PTPRE: variants seen among roughly 807,000 people sequenced by gnomAD.
PTPRE encodes the protein protein tyrosine phosphatase receptor type E.
In PTPRE, 51 loss-of-function variants were observed where a neutral mutation model predicts 102.0. The ratio of observed to expected loss-of-function variants is 0.50; its 90% confidence interval spans 0.40 to 0.63. PTPRE has a LOEUF of 0.63. Among genes scored for constraint, PTPRE ranks in the 30% least tolerant of loss-of-function variants. The pLI, the probability that PTPRE is intolerant of heterozygous loss-of-function variation, is 0.00. For missense variants in PTPRE, 752 were observed against 915.1 expected, an observed-to-expected ratio of 0.82 and a Z score of 2.30; for synonymous variants, 345 against 348.2, an observed-to-expected ratio of 0.99 and a Z score of 0.10.
At chr10:127,953,927 G>A (rs965738521) in intron 1 of PTPRE, among the ~76,000 whole-genome samples, 7 of 152,204 alleles carry the variant, frequency 4.6e-5, no homozygotes, top group Admixed American at 6.5e-5. Flanking sequence ...CAGTGATTTG[G>A]CCAGAAGGTC....
chr10:128,061,929 C>G (rs867560324), intron 9 of PTPRE, among the ~76,000 whole-genome samples: 3 of 152,208 alleles, frequency 2.0e-5, no homozygotes, highest in African/African-American at 7.2e-5. Context: ...ACACAGGGCA[C>G]GCAATGGCCC....
At position 128,016,481 on chromosome 10, in the gene PTPRE, A is replaced by ATTTT. The variant is rs57308839; in HGVS notation, c.-7-24381_-7-24378dup. Among the ~76,000 whole-genome samples the ATTTT allele has an allele frequency of 1.4e-3, 205 of 145,222 alleles. 2 individuals carry two copies. Among genetic ancestry groups the ATTTT allele is most frequent in the Middle Eastern group, 0.011 (3 of 274 alleles). ...AGACCAGTGCCACTATGCCTGGCCA[A>ATTTT]TTTTTTTTTTTTTTTTACTTTTTTA... On this transcript the variant is annotated intron_variant, in intron 2 of 20. Transcript: ENST00000254667.
chr10:128,081,436 A>G (rs2096285), intron 20 of PTPRE, among the ~76,000 whole-genome samples: 41,635 of 152,088 alleles, frequency 0.27, 6,376 homozygotes, highest in Admixed American at 0.35. Context: ...AGTACACTTC[A>G]TCCATCACTG....
chr10:127,929,982 G>A (rs771846156), intron 1 of PTPRE, among the ~76,000 whole-genome samples: 2 of 148,988 alleles, frequency 1.3e-5, no homozygotes, highest in African/African-American at 4.9e-5. Context: ...GCTTGAACCC[G>A]AGAGGCGAGG....
chr10:127,975,744 G>A lies in PTPRE; in HGVS notation c.-30-6530G>A, dbSNP rs185053252. On this transcript the variant is annotated intron_variant, in intron 1 of 20. Coordinates refer to ENST00000254667, the MANE Select transcript of PTPRE (RefSeq NM_006504.6). ...CGTGTTCAGTTACCATTAGCGTCAG[G>A]CACCCAGCAAGCTTGTCCTGAATAC... 7.2e-5 allele frequency among the ~76,000 whole-genome samples: 11 copies of A among 152,298 alleles called. No individual in the cohort carries two copies. The East Asian group carries it at 2.1e-3, about 29-fold the overall frequency.
chr10:128,022,999 A>G (rs1340133408), intron 2 of PTPRE, among the ~76,000 whole-genome samples: 1 of 152,230 alleles, frequency 6.6e-6, no homozygotes, highest in Non-Finnish European at 1.5e-5. Context: ...AGAGAGCGCC[A>G]TCTGCATTTG....
At chr10:128,004,613 A>C (rs1281285266) in intron 2 of PTPRE, among the ~76,000 whole-genome samples, 1 of 152,132 alleles carries the variant, frequency 6.6e-6, no homozygotes, top group African/African-American at 2.4e-5. Flanking sequence ...ATCATATCTC[A>C]TTGAGTTACT....
intron 1 of PTPRE, chr10:127,929,755 C>G (rs1005919963): frequency 6.6e-6 from 1 of 152,100 alleles, no homozygotes; most frequent in Non-Finnish European, 1.5e-5. Context: ...ATCCTCTATG[C>G]CTTTAAAACA....
chr10:127,932,118 T>A (rs1002243741), intron 1 of PTPRE, among the ~76,000 whole-genome samples: 2 of 152,200 alleles, frequency 1.3e-5, no homozygotes, highest in Non-Finnish European at 2.9e-5. Context: ...TAAGAAGGAA[T>A]ATAGGGCACA....
At position 128,042,179 on chromosome 10, in the gene PTPRE, G is replaced by T. The variant is rs147426082; in HGVS notation, c.109+1189G>T. Among the ~76,000 whole-genome samples the T allele has an allele frequency of 2.2e-3, 338 of 152,242 alleles. 1 individual carries two copies. The highest frequency in any genetic ancestry group is 7.6e-3 in the African/African-American group (315 of 41,538). On this transcript the variant is annotated intron_variant, in intron 3 of 20. Coordinates refer to ENST00000254667, the MANE Select transcript of PTPRE (RefSeq NM_006504.6). The stretch of plus-strand genomic sequence containing the variant: ...CACAATCCCGACTTTTCTTCCCAAC[G>T]CTAATCGACTGGCCACGTAGAAACA...
intron 1 of PTPRE, among the ~76,000 whole-genome samples, chr10:127,910,619 C>T (rs1458865474): frequency 1.3e-5 from 2 of 152,188 alleles, no homozygotes; most frequent in African/African-American, 4.8e-5. Flanking sequence ...ACTCAAAATG[C>T]AGGCTTCAGT....
At chr10:128,017,928 G>A (rs915329713) in intron 2 of PTPRE, among the ~76,000 whole-genome samples, 3 of 152,162 alleles carry the variant, frequency 2.0e-5, no homozygotes, top group African/African-American at 4.8e-5. Context: ...GACTCCACTC[G>A]GGCATCCTGC....
At position 128,084,425 on chromosome 10, in the gene PTPRE, C is replaced by G. The variant is rs995582568; in HGVS notation, c.*1519C>G. 2 of 152,202 alleles carry G rather than the reference C, an allele frequency of 1.3e-5. No homozygotes were observed. Among genetic ancestry groups the G allele is most frequent in the African/African-American group, 4.8e-5 (2 of 41,442 alleles). 9.4% of individuals were successfully genotyped at this position (152,202 alleles called of 1,614,324 possible). A position where few individuals can be genotyped will look rare whatever the true frequency, so the allele number is the denominator to read the frequency against. ...CATTAACAGTGTGTGCAAATGCAACCCCAGGACACATTATTGTTCTGATAG... is the reference window on the plus strand; with the variant it reads ...CATTAACAGTGTGTGCAAATGCAACGCCAGGACACATTATTGTTCTGATAG... On this transcript the variant is annotated 3_prime_UTR_variant, in exon 21 of 21. Coordinates refer to ENST00000254667, the MANE Select transcript of PTPRE (RefSeq NM_006504.6).
At chr10:127,918,872 C>G (rs951699836) in intron 1 of PTPRE, among the ~76,000 whole-genome samples, 4 of 152,092 alleles carry the variant, frequency 2.6e-5, no homozygotes, top group Non-Finnish European at 5.9e-5. Flanking sequence ...AAAGAACTGG[C>G]CTGACTGGGA....
intron 1 of PTPRE, among the ~76,000 whole-genome samples, chr10:127,952,541 A>C (rs79434529): frequency 0.11 from 16,816 of 152,220 alleles, 1,599 homozygotes; most frequent in African/African-American, 0.26. Context: ...TGTGGGCTGC[A>C]ACAAAATGCA....
At position 128,083,530 on chromosome 10, in the gene PTPRE, C is replaced by A. The variant is rs1164799630; in HGVS notation, c.*624C>A. On this transcript the variant is annotated 3_prime_UTR_variant, in exon 21 of 21. Coordinates refer to ENST00000254667, the MANE Select transcript of PTPRE (RefSeq NM_006504.6). ...ATAATATTTTAAAATGCTGTGTCTA[C>A]ACCATCAAGACTGTGTCTACACTAT... 1 of 152,396 alleles carries A rather than the reference C, an allele frequency of 6.6e-6. No individual in the cohort carries two copies. The highest frequency in any genetic ancestry group is 2.1e-4 in the South Asian group (1 of 4,826). The allele number at this position is 152,396 out of a possible 1,614,324, so 9.4% of individuals were successfully genotyped here. A position where few individuals can be genotyped will look rare whatever the true frequency, so the allele number is the denominator to read the frequency against.
At chr10:128,024,116 C>A (rs555293008) in intron 2 of PTPRE, among the ~76,000 whole-genome samples, 1 of 152,266 alleles carries the variant, frequency 6.6e-6, no homozygotes, top group East Asian at 1.9e-4. Context: ...GGTAAGGAAA[C>A]CTTTGTCTTT....
At chr10:128,013,229 A>G (rs1375942818) in intron 2 of PTPRE, among the ~76,000 whole-genome samples, 1 of 152,198 alleles carries the variant, frequency 6.6e-6, no homozygotes, top group Admixed American at 6.5e-5. Context: ...GTGTAGCCTT[A>G]CCAAATGGAA....
intron 2 of PTPRE, among the ~76,000 whole-genome samples, chr10:128,021,040 G>A (rs1441628467): frequency 1.3e-5 from 2 of 151,978 alleles, no homozygotes; most frequent in African/African-American, 2.4e-5. Flanking sequence ...GACTACAGGT[G>A]CCCGCCCCCA....
Sources: gnomAD v4.1 joint callset for allele counts (sites outside exome capture counted in the v4.1 genomes callset) on GRCh38, gnomAD v4.1.1 for gene constraint, MANE v1.5 for transcripts, NCBI Gene and HGNC (gene_info 2026-07-23, HGNC 2026-07-21) for gene names.